Variants in RGS20 observed in about 807,000 individuals in gnomAD.
The protein encoded by RGS20 is regulator of G protein signaling 20, also known as gz-selective GTPase-activating protein.
A neutral mutation model predicts 33.6 loss-of-function variants in RGS20; 30 were observed. That is an observed-to-expected ratio of 0.89 (90% CI 0.67 to 1.21). RGS20 has a LOEUF of 1.21. Among genes scored for constraint, RGS20 ranks in the 50% most tolerant of loss-of-function variants. RGS20 has a pLI of 0.00. For missense variants in RGS20, 472 were observed against 502.4 expected (o/e 0.94, Z 0.58); for synonymous variants, 208 against 197.9 (o/e 1.05, Z -0.43).
chr8:53,948,465 C>G (rs1814606224), intron 4 of RGS20, among the ~76,000 whole-genome samples: 1 of 133,868 alleles, frequency 7.5e-6, no homozygotes, highest in Non-Finnish European at 1.6e-5. Flanking sequence ...ATATATGATA[C>G]AGTATATATT....
rs60508154 is a variant in RGS20 at position 53,875,452 on chromosome 8, C to A, written c.166-3806C>A. Among the ~76,000 whole-genome samples the A allele has an allele frequency of 1.6e-3, 231 of 142,166 alleles. 1 individual carries two copies. Among genetic ancestry groups the A allele is most frequent in the African/African-American group, 5.1e-3 (190 of 37,210 alleles). The allele number at this position is 142,166 out of a possible 152,430, so 93.3% of individuals were successfully genotyped here. ...GTCAAAAAAAAAAAAAAAAAAAAAC[C>A]AAAAAAACCAAAAAAACTAAAAAAC... On this transcript the variant is annotated intron_variant, in intron 1 of 5. Transcript: ENST00000297313.
intron 1 of RGS20, among the ~76,000 whole-genome samples, chr8:53,873,988 C>T (rs962254648): frequency 1.3e-5 from 2 of 152,108 alleles, no homozygotes; most frequent in Non-Finnish European, 2.9e-5. Flanking sequence ...CACTTGAGAA[C>T]AGGAGTTCAA....
At chr8:53,882,737 C>T (rs1360093060) in intron 2 of RGS20, among the ~76,000 whole-genome samples, 1 of 152,104 alleles carries the variant, frequency 6.6e-6, no homozygotes, top group Non-Finnish European at 1.5e-5. Context: ...GGTGTCAAAA[C>T]CCCAGCCTTG....
intron 2 of RGS20, among the ~76,000 whole-genome samples, chr8:53,881,378 T>A (rs960770429): frequency 1.3e-5 from 2 of 152,016 alleles, no homozygotes; most frequent in African/African-American, 4.8e-5. Context: ...TTCGCGTCGG[T>A]GTCTTGGTGG....
At chr8:53,906,741 T>C (rs1436342668) in intron 2 of RGS20, among the ~76,000 whole-genome samples, 1 of 152,054 alleles carries the variant, frequency 6.6e-6, no homozygotes, top group Admixed American at 6.5e-5. Context: ...TTGAAATGAA[T>C]GAGGCTCATG....
chr8:53,878,775 G>A (rs1812264185), intron 1 of RGS20, among the ~76,000 whole-genome samples: 1 of 152,144 alleles, frequency 6.6e-6, no homozygotes, highest in Non-Finnish European at 1.5e-5. Flanking sequence ...GCAGAGCCCT[G>A]GGCACTTAGG....
rs529786196 is a variant in RGS20 at position 53,896,298 on chromosome 8, A to T, written c.510+16696A>T. On this transcript the variant is annotated intron_variant, in intron 2 of 5. Coordinates refer to ENST00000297313, the MANE Select transcript of RGS20 (RefSeq NM_170587.4). Reference sequence around the variant, plus strand: ...CTGTCCCCCCCAAAAAAAGAAGAATATTTTGTGACACATGAAAATTTTACA... The same window carrying T: ...CTGTCCCCCCCAAAAAAAGAAGAATTTTTTGTGACACATGAAAATTTTACA... Among the ~76,000 whole-genome samples the T allele has an allele frequency of 1.1e-4, 16 of 152,246 alleles. No homozygotes were observed. In the South Asian group the frequency reaches 3.3e-3, roughly 32 times the overall value.
Position 53,869,369 on chromosome 8 carries a change from T to C in RGS20, c.166-9889T>C, listed in dbSNP as rs142991548. On this transcript the variant is annotated intron_variant, in intron 1 of 5. Coordinates refer to ENST00000297313, the MANE Select transcript of RGS20 (RefSeq NM_170587.4). ...TGTTTAGTTAATTCACATTTATTTA[T>C]TAGAACATTCAAAATTAAAATAGGG... Among the ~76,000 whole-genome samples the C allele has an allele frequency of 2.3e-3, 349 of 152,312 alleles. 3 individuals carry two copies. Among genetic ancestry groups the C allele is most frequent in the African/African-American group, 7.9e-3 (329 of 41,580 alleles).
chr8:53,874,401 T>C (rs571144885), intron 1 of RGS20, among the ~76,000 whole-genome samples: 2,452 of 124,924 alleles, frequency 0.02, 33 homozygotes, highest in South Asian at 0.063. Context: ...TGTGTGTGTG[T>C]GCGCGCGCGT....
At chr8:53,935,678 C>A (rs759199196) in intron 2 of RGS20, among the ~76,000 whole-genome samples, 6 of 152,104 alleles carry the variant, frequency 3.9e-5, no homozygotes, top group Non-Finnish European at 7.3e-5. Context: ...ACCAGAGGTA[C>A]AAAGAGGAGC....
At chr8:53,907,098 G>T (rs1031411441) in intron 2 of RGS20, among the ~76,000 whole-genome samples, 1 of 152,110 alleles carries the variant, frequency 6.6e-6, no homozygotes, top group African/African-American at 2.4e-5. Context: ...GTAGCATATC[G>T]TAACAAAAAT....
chr8:53,866,639 C>T (rs988617547), intron 1 of RGS20, among the ~76,000 whole-genome samples: 1 of 152,166 alleles, frequency 6.6e-6, no homozygotes, highest in Non-Finnish European at 1.5e-5. Flanking sequence ...GCCTCGGCCT[C>T]TCAAAGTTCT....
Position 53,856,259 on chromosome 8 carries a change from A to G in RGS20, c.165+4195A>G, listed in dbSNP as rs910075335. 4.1e-5 allele frequency among the ~76,000 whole-genome samples: 6 copies of G among 147,772 alleles called. No homozygotes were observed. The South Asian group carries it at 1.1e-3, about 26-fold the overall frequency. On this transcript the variant is annotated intron_variant, in intron 1 of 5. Transcript: ENST00000297313. ...GAGACTCAGTCTTGCTCTGTTGCCC[A>G]GGCTGGAGTGCAGTGGCGTGATCTC...
At chr8:53,874,209 C>A (rs1035259926) in intron 1 of RGS20, among the ~76,000 whole-genome samples, 1 of 152,028 alleles carries the variant, frequency 6.6e-6, no homozygotes, top group African/African-American at 2.4e-5. Flanking sequence ...AAAGTCTGCA[C>A]CTGTAGAGTG....
intron 2 of RGS20, among the ~76,000 whole-genome samples, chr8:53,932,066 G>C (rs1813987667): frequency 6.6e-6 from 1 of 152,174 alleles, no homozygotes. Flanking sequence ...TTTTCTTTAA[G>C]AATGTTGAAT....
At chr8:53,927,013 G>A (rs1288793805) in intron 2 of RGS20, among the ~76,000 whole-genome samples, 1 of 152,136 alleles carries the variant, frequency 6.6e-6, no homozygotes, top group Non-Finnish European at 1.5e-5. Context: ...CTAAAAGATT[G>A]TGATCAAAAT....
intron 3 of RGS20, among the ~76,000 whole-genome samples, chr8:53,943,583 C>T (rs1814370276): frequency 1.3e-5 from 2 of 152,014 alleles, no homozygotes; most frequent in Admixed American, 6.6e-5. Flanking sequence ...TAACAGTGGA[C>T]CGAGGTAAAG....
At chr8:53,865,038 C>T (rs1008180793) in intron 1 of RGS20, among the ~76,000 whole-genome samples, 2 of 152,306 alleles carry the variant, frequency 1.3e-5, no homozygotes, top group African/African-American at 2.4e-5. Flanking sequence ...AGCCTTAGAA[C>T]GACAGGGCCC....
At chr8:53,950,771 C>T (rs976629555) in intron 4 of RGS20, among the ~76,000 whole-genome samples, 2 of 152,034 alleles carry the variant, frequency 1.3e-5, no homozygotes, top group African/African-American at 4.8e-5. Flanking sequence ...TGGGCCACCA[C>T]ACTTGGCTAA....
Sources: allele counts gnomAD v4.1 joint callset (sites outside exome capture counted in the v4.1 genomes callset), GRCh38; gene constraint gnomAD v4.1.1; transcripts MANE v1.5; gene names NCBI Gene and HGNC (gene_info 2026-07-23, HGNC 2026-07-21).